The following GARRE1 variants were observed in gnomAD, a reference collection of about 807,000 sequenced individuals.
GARRE1 encodes granule associated Rac and RHOG effector protein 1.
Under a neutral mutation model 103.2 loss-of-function variants are expected in GARRE1, and 49 were observed. That is an observed-to-expected ratio of 0.47 (90% CI 0.38 to 0.60). The LOEUF (loss-of-function observed/expected upper bound fraction) is 0.60. GARRE1 is among the 20% of genes least tolerant of loss of function. The pLI is 0.00. For missense variants in GARRE1, 1,199 were observed against 1,370.5 expected, an observed-to-expected ratio of 0.87 and a Z score of 1.98; for synonymous variants, 505 against 532.8, an observed-to-expected ratio of 0.95 and a Z score of 0.72.
At chr19:34,310,019 C>T (rs1378730663) in intron 2 of GARRE1, among the ~76,000 whole-genome samples, 1 of 152,172 alleles carries the variant, frequency 6.6e-6, no homozygotes, top group African/African-American at 2.4e-5. Context: ...TGAAATGTTG[C>T]TAATTTTGGG....
intron 1 of GARRE1, among the ~76,000 whole-genome samples, chr19:34,279,399 G>A (rs573699928): frequency 3.9e-5 from 6 of 151,932 alleles, no homozygotes; most frequent in South Asian, 2.1e-4. Flanking sequence ...TGTGCTTCCC[G>A]GGCTCAGGTG....
At chr19:34,341,256 T>C (rs994947147) in intron 9 of GARRE1, 166 bp from the exon 10 acceptor site, 2 of 611,986 alleles carry the variant, frequency 3.3e-6, no homozygotes, top group African/African-American at 3.7e-5. Flanking sequence ...GTAGATTTCA[T>C]ACTCTCCAAA....
intron 1 of GARRE1, among the ~76,000 whole-genome samples, chr19:34,280,003 A>AAAAAAG (rs1568527426): frequency 6.8e-6 from 1 of 147,282 alleles, no homozygotes; most frequent in Non-Finnish European, 1.5e-5. Flanking sequence ...AAAAAAAAAA[A>AAAAAAG]AAAAGTGGTT....
In GARRE1 at chr19:34,342,369, G is replaced by A; in HGVS notation, c.2435G>A (p.Gly812Glu). 6.2e-7 allele frequency: 1 copy of A among 1,614,136 alleles called. No homozygotes were observed. Among genetic ancestry groups the A allele is most frequent in the Non-Finnish European group, 8.5e-7 (1 of 1,180,032 alleles). Residue 812 changes from glycine to glutamate, a missense_variant, in exon 10 of 14, where the codon GGA becomes GAA. By Grantham distance (98) the Gly-to-Glu change is moderately conservative (BLOSUM62 -2). Transcript: ENST00000299505. ...MSEVLGQKPQ[G>E]PRNNTWPNRD... ...GAGGTTCTGGGACAGAAGCCGCAGG[G>A]ACCTAGAAATAACACCTGGCCCAAC...
chr19:34,292,490 T>C (rs1219888510), intron 1 of GARRE1, among the ~76,000 whole-genome samples: 2 of 152,200 alleles, frequency 1.3e-5, no homozygotes, highest in Admixed American at 6.5e-5. Context: ...GGTATATACA[T>C]AGGAATGAAA....
At chr19:34,313,527 T>C (rs2074046294) in intron 2 of GARRE1, among the ~76,000 whole-genome samples, 3 of 152,196 alleles carry the variant, frequency 2.0e-5, no homozygotes, top group African/African-American at 7.2e-5. Flanking sequence ...AGGCATCTAG[T>C]GCGACAGAGC....
intron 2 of GARRE1, among the ~76,000 whole-genome samples, chr19:34,317,370 C>G (rs1417235287): frequency 6.6e-6 from 1 of 152,210 alleles, no homozygotes; most frequent in East Asian, 1.9e-4. Flanking sequence ...TAAGTTGTGT[C>G]CATCAGAGCT....
At chr19:34,264,217 C>T (rs1212376272) in intron 1 of GARRE1, among the ~76,000 whole-genome samples, 1 of 152,084 alleles carries the variant, frequency 6.6e-6, no homozygotes, top group Non-Finnish European at 1.5e-5. Context: ...ACTGAGGTGG[C>T]CCAAGATGGT....
intron 1 of GARRE1, among the ~76,000 whole-genome samples, chr19:34,267,963 G>A (rs750622064): frequency 5.9e-5 from 9 of 151,482 alleles, no homozygotes; most frequent in Non-Finnish European, 8.8e-5. Context: ...TAGTAGAGAC[G>A]GGGTTTCACC....
Position 34,342,446 on chromosome 19 carries a change from G to A in GARRE1, c.2512G>A (p.Asp838Asn). The A allele has an allele frequency of 6.2e-7, 1 of 1,610,690 alleles. No homozygotes were observed. The highest frequency in any genetic ancestry group is 8.5e-7 in the Non-Finnish European group (1 of 1,177,880). ...FGMLGEILPFDPAVGSDPEFA... is the reference protein window; with the variant it reads ...FGMLGEILPFNPAVGSDPEFA... ...AATGCTGGGAGAGATTCTGCCTTTT[G>A]ATCCTGCAGGTATGTGAGGCCTCCC... The change falls in exon 10 of 14, where the codon GAT (aspartate) becomes AAT (asparagine). Residue 838 changes from aspartate to asparagine, a missense_variant. Coordinates refer to ENST00000299505, the MANE Select transcript of GARRE1 (RefSeq NM_014686.5).
rs1294678352 is a variant in GARRE1 at position 34,353,576 on chromosome 19, A to G, written c.*621A>G. 6.6e-6 allele frequency: 1 copy of G among 152,282 alleles called. No homozygotes were observed. The highest frequency in any genetic ancestry group is 1.5e-5 in the Non-Finnish European group (1 of 68,052). 9.4% of individuals were successfully genotyped at this position (152,282 alleles called of 1,614,324 possible). ...AAAATATAGAATATTTGTGATTGGA[A>G]GCAGTCACCTGGGGTTTCTGGGGGT... On this transcript the variant is annotated 3_prime_UTR_variant, in exon 14 of 14. Coordinates refer to ENST00000299505, the MANE Select transcript of GARRE1 (RefSeq NM_014686.5).
intron 8 of GARRE1, among the ~76,000 whole-genome samples, chr19:34,338,299 G>A (rs932457154): frequency 6.6e-6 from 1 of 152,148 alleles, no homozygotes; most frequent in East Asian, 1.9e-4. Context: ...ACTTTGGGAG[G>A]CTGAGGCAGG....
At chr19:34,328,843 G>A (rs568683086) in intron 6 of GARRE1, among the ~76,000 whole-genome samples, 55 of 152,068 alleles carry the variant, frequency 3.6e-4, no homozygotes, top group Non-Finnish European at 5.7e-4. Context: ...CCTGACCTCA[G>A]CTGATCCACC....
At chr19:34,277,742 T>G (rs2073825400) in intron 1 of GARRE1, among the ~76,000 whole-genome samples, 1 of 152,216 alleles carries the variant, frequency 6.6e-6, no homozygotes, top group Non-Finnish European at 1.5e-5. Flanking sequence ...TTAATAATCA[T>G]TGGCTAGATA....
chr19:34,266,254 C>A (rs1402817048), intron 1 of GARRE1, among the ~76,000 whole-genome samples: 1 of 152,204 alleles, frequency 6.6e-6, no homozygotes, highest in Non-Finnish European at 1.5e-5. Flanking sequence ...GGGCTGTCTT[C>A]CCTGCCTAGC....
rs1599774176 is a variant in GARRE1, at chr19:34,326,275, G to A, written c.706-1146G>A. ...GCTGCTAGTCATTTTCCTGTAGTCT[G>A]CAAGTTTTGTAAATATTACAACTCC... On this transcript the variant is annotated intron_variant, in intron 3 of 13. Transcript: ENST00000299505. Among the ~76,000 whole-genome samples the A allele has an allele frequency of 2.0e-5, 3 of 152,212 alleles. No homozygotes were observed. In the East Asian group the frequency reaches 5.8e-4, roughly 29 times the overall value.
At chr19:34,349,813 G>T (rs901163121) in intron 12 of GARRE1, among the ~76,000 whole-genome samples, 1 of 152,214 alleles carries the variant, frequency 6.6e-6, no homozygotes, top group African/African-American at 2.4e-5. Flanking sequence ...GCCAGGCTCT[G>T]TCAGATAGGC....
chr19:34,352,848 A>AGGCCC lies in GARRE1; in HGVS notation c.3106_3107insGGCCC (p.Thr1036ArgfsTer57). 1.9e-6 allele frequency: 3 copies of AGGCCC among 1,591,596 alleles called. No individual in the cohort carries two copies. The highest frequency in any genetic ancestry group is 2.6e-6 in the Non-Finnish European group (3 of 1,166,580). The stretch of plus-strand genomic sequence containing the variant: ...TGCCGCTGCCTTCTCCTATGTGCAG[A>AGGCCC]CCCCACCCCAGCCCCCACCCCCACC... On this transcript the variant is annotated frameshift_variant, in exon 14 of 14. Coordinates refer to ENST00000299505, the MANE Select transcript of GARRE1 (RefSeq NM_014686.5). LOFTEE classifies it high-confidence loss of function.
At chr19:34,310,932 G>A (rs2074033268) in intron 2 of GARRE1, among the ~76,000 whole-genome samples, 2 of 152,086 alleles carry the variant, frequency 1.3e-5, no homozygotes, top group South Asian at 4.2e-4. Flanking sequence ...ACTGGTAGTT[G>A]CCTCTGAATA....
Sources: gnomAD v4.1 joint callset for allele counts (sites outside exome capture counted in the v4.1 genomes callset) on GRCh38, gnomAD v4.1.1 for gene constraint, MANE v1.5 for transcripts, NCBI Gene and HGNC (gene_info 2026-07-23, HGNC 2026-07-21) for gene names.